Variants in SRPX observed in about 807,000 individuals in gnomAD.
The protein encoded by SRPX is sushi repeat-containing protein SRPX.
Under a neutral mutation model 38.1 loss-of-function variants are expected in SRPX, and 24 were observed. The ratio of observed to expected loss-of-function variants is 0.63; its 90% CI spans 0.46 to 0.89. The LOEUF (loss-of-function observed/expected upper bound fraction) is 0.89, where lower values mean the gene tolerates loss of function less well. SRPX is among the 40% of genes least tolerant of loss of function. SRPX has a pLI of 0.00. For synonymous variants in SRPX, 184 were observed against 153.8 expected, an observed-to-expected ratio of 1.20 and a Z score of -1.45; for missense variants, 416 against 377.8, an observed-to-expected ratio of 1.10 and a Z score of -0.84.
intron 1 of SRPX, among the ~76,000 whole-genome samples, chrX:38,183,732 T>TG (rs960623731): frequency 8.9e-6 from 1 of 112,027 alleles, no homozygotes. Context: ...GGTTTTATTA[T>TG]GACATAACTA....
At chrX:38,186,949 CT>C (rs1430524275) in intron 1 of SRPX, among the ~76,000 whole-genome samples, 1 of 111,099 alleles carries the variant, frequency 9.0e-6, no homozygotes, top group African/African-American at 3.3e-5. Flanking sequence ...GGTTTTTTTC[CT>C]GAGAGTATTC....
At chrX:38,216,911 C>T (rs980408014) in intron 1 of SRPX, among the ~76,000 whole-genome samples, 3 of 112,357 alleles carry the variant, frequency 2.7e-5, no homozygotes, top group Non-Finnish European at 5.6e-5. Context: ...CATCTTACAG[C>T]CCCCAACAGA....
chrX:38,215,159 T>C (rs1939405310), intron 1 of SRPX, among the ~76,000 whole-genome samples: 2 of 111,823 alleles, frequency 1.8e-5, no homozygotes, highest in South Asian at 7.5e-4. Flanking sequence ...AGTTTGAAAA[T>C]CATTATGCTC....
chrX:38,175,897 T>G (rs987245027), intron 2 of SRPX, among the ~76,000 whole-genome samples: 26 of 111,487 alleles, frequency 2.3e-4, no homozygotes, highest in Non-Finnish European at 3.8e-4. Context: ...CCTCTAAGGG[T>G]TTTAATATAA....
At chrX:38,170,869 G>T (rs1439144612) in intron 4 of SRPX, among the ~76,000 whole-genome samples, 1 of 111,698 alleles carries the variant, frequency 9.0e-6, no homozygotes, top group Non-Finnish European at 1.9e-5. Context: ...CCAATATGAG[G>T]GAGTAGATTC....
chrX:38,202,027 A>G (rs1175909668), intron 1 of SRPX, among the ~76,000 whole-genome samples: 1 of 111,652 alleles, frequency 9.0e-6, no homozygotes, highest in East Asian at 2.8e-4. Context: ...GTTTTCTTTT[A>G]TGTTCATTTT....
In SRPX at chrX:38,149,489, TAAAG is replaced by T. The variant is rs1438114601; in HGVS notation, c.*218_*221del. 3 of 329,094 alleles carry T rather than the reference TAAAG, an allele frequency of 9.1e-6. No individual in the cohort carries two copies. Among genetic ancestry groups the T allele is most frequent in the Non-Finnish European group, 1.5e-5 (3 of 193,977 alleles). 27.1% of individuals were successfully genotyped at this position (329,094 alleles called of 1,213,427 possible). ...ACAAAATCAAGCAGCCATGATGGAGTAAAGAAAGTTAGAAAGAGTAAATATGGTC... is the reference window on the plus strand; with the variant it reads ...ACAAAATCAAGCAGCCATGATGGAGTAAAGTTAGAAAGAGTAAATATGGTC... On this transcript the variant is annotated 3_prime_UTR_variant, in exon 10 of 10. Coordinates refer to ENST00000378533, the MANE Select transcript of SRPX (RefSeq NM_006307.5).
At chrX:38,154,609 G>A in intron 8 of SRPX, 26 bp from the exon 9 acceptor site, 1 of 1,205,949 alleles carries the variant, frequency 8.3e-7, no homozygotes, top group Non-Finnish European at 1.1e-6. Flanking sequence ...CCCAACAGGG[G>A]AAGTATGAGC....
chrX:38,180,493 T>C (rs900812381), intron 1 of SRPX, among the ~76,000 whole-genome samples: 1 of 112,160 alleles, frequency 8.9e-6, no homozygotes, highest in African/African-American at 3.2e-5. Flanking sequence ...GATAAATCCA[T>C]TGTTTCTAGC....
intron 1 of SRPX, among the ~76,000 whole-genome samples, chrX:38,193,853 G>A (rs1294996072): frequency 7.1e-5 from 8 of 112,033 alleles, no homozygotes; most frequent in Non-Finnish European, 1.5e-4. Context: ...GCAGTATGGT[G>A]AGCCATGTAG....
At chrX:38,176,624 T>C (rs774957253) in intron 2 of SRPX, among the ~76,000 whole-genome samples, 14 of 110,895 alleles carry the variant, frequency 1.3e-4, no homozygotes, top group African/African-American at 4.6e-4. Flanking sequence ...GAAACCCCTG[T>C]CTGTACTAAA....
At position 38,160,024 on chromosome X, in the gene SRPX, G is replaced by T. The variant is rs139142720; in HGVS notation, c.948C>A (p.Thr316=). The part of the protein sequence containing the change: ...SNLAWSGTEP[T]CAAMNVNVGV... The stretch of plus-strand genomic sequence containing the variant: ...GAGGGGCGGCATACCTACCTGCACA[G>T]GTGGGCTCCGTGCCAGACCAAGCCA... Residue 316 remains threonine, a synonymous_variant, in exon 7 of 10, where the codon ACC becomes ACA. Coordinates refer to ENST00000378533, the MANE Select transcript of SRPX (RefSeq NM_006307.5). 8.3e-7 allele frequency: 1 copy of T among 1,208,810 alleles called. No individual in the cohort carries two copies. The highest frequency in any genetic ancestry group is 1.7e-5 in the African/African-American group (1 of 57,356).
rs771689133 is a variant in SRPX, at chrX:38,184,406, A to G, written c.98-6062T>C. On this transcript the variant is annotated intron_variant, in intron 1 of 9. Coordinates refer to ENST00000378533, the MANE Select transcript of SRPX (RefSeq NM_006307.5). ...TAGACATAATTTTAATATTGTCAGA[A>G]AGAAGCATATTTAATAGTAAATTGC... Among the ~76,000 whole-genome samples the G allele has an allele frequency of 4.5e-5, 5 of 112,005 alleles. No individual in the cohort carries two copies. In the Admixed American group the frequency reaches 4.7e-4, roughly 11 times the overall value.
rs187669506 is a variant in SRPX, at chrX:38,185,574, T to C, written c.98-7230A>G. Among the ~76,000 whole-genome samples the C allele has an allele frequency of 1.5e-3, 170 of 111,624 alleles. 1 individual carries two copies. The highest frequency in any genetic ancestry group is 5.2e-3 in the African/African-American group (161 of 30,781). The stretch of plus-strand genomic sequence containing the variant: ...AGGTAGTGCCTTAAAGTACCTTCAG[T>C]CTTACAAAAGGCCCCTTAGAGAGAT... On this transcript the variant is annotated intron_variant, in intron 1 of 9. Transcript: ENST00000378533.
At chrX:38,179,666 T>A (rs924817852) in intron 1 of SRPX, among the ~76,000 whole-genome samples, 5 of 111,841 alleles carry the variant, frequency 4.5e-5, no homozygotes, top group African/African-American at 1.3e-4. Flanking sequence ...GGAGAGGAGA[T>A]GAGGGCTGGA....
chrX:38,202,923 A>G (rs954701662), intron 1 of SRPX, among the ~76,000 whole-genome samples: 25 of 112,494 alleles, frequency 2.2e-4, no homozygotes, highest in African/African-American at 7.1e-4. Context: ...AACTCATTTT[A>G]CAAGGCTAGC....
At chrX:38,174,929 A>C (rs1175138419) in intron 2 of SRPX, among the ~76,000 whole-genome samples, 1 of 111,594 alleles carries the variant, frequency 9.0e-6, no homozygotes, top group Non-Finnish European at 1.9e-5. Context: ...ACAAGATATA[A>C]ATTTCGCTTA....
intron 4 of SRPX, among the ~76,000 whole-genome samples, chrX:38,167,769 C>A (rs1463408249): frequency 9.0e-6 from 1 of 110,635 alleles, no homozygotes; most frequent in Non-Finnish European, 1.9e-5. Flanking sequence ...AGAAGCTGAA[C>A]TTTTTTTTCG....
At chrX:38,161,174 A>G (rs920518196) in intron 5 of SRPX, 120 bp from the exon 6 acceptor site, 6 of 783,170 alleles carry the variant, frequency 7.7e-6, no homozygotes, top group Non-Finnish European at 1.0e-5. Context: ...ACCAGTTTAA[A>G]TAAAACAAAA....
Sources: allele counts gnomAD v4.1 joint callset (sites outside exome capture counted in the v4.1 genomes callset), GRCh38; gene constraint gnomAD v4.1.1; transcripts MANE v1.5; gene names NCBI Gene and HGNC (gene_info 2026-07-23, HGNC 2026-07-21).